The following WWOX variants were observed in gnomAD, a reference collection of about 807,000 sequenced individuals.
The protein encoded by WWOX is WW domain-containing oxidoreductase.
In WWOX, 69 loss-of-function variants were observed where a neutral mutation model predicts 46.2. That is an observed-to-expected ratio of 1.49 (90% CI 1.23 to 1.82). The LOEUF (loss-of-function observed/expected upper bound fraction) is 1.82, where lower values mean the gene tolerates loss of function less well. Among genes scored for constraint, WWOX ranks in the 40% most tolerant of loss-of-function variants. The pLI is 0.00. For missense variants in WWOX, 919 were observed against 542.6 expected (o/e 1.69, Z -6.89); for synonymous variants, 359 against 202.6 (o/e 1.77, Z -6.56).
intron 8 of WWOX, among the ~76,000 whole-genome samples, chr16:78,484,301 T>C (rs988335495): frequency 2.0e-5 from 3 of 152,186 alleles, no homozygotes; most frequent in Non-Finnish European, 4.4e-5. Context: ...AAATTGTAGA[T>C]TATTTTCATC....
chr16:78,887,638 CAGATA>C (rs1289910846), intron 8 of WWOX, among the ~76,000 whole-genome samples: 1 of 152,092 alleles, frequency 6.6e-6, no homozygotes, highest in Non-Finnish European at 1.5e-5. Context: ...ACAAAAGGGT[CAGATA>C]AGATATATGT....
At position 78,099,726 on chromosome 16, in the gene WWOX, C is replaced by T. The variant is rs1190228246; in HGVS notation, c.-53C>T. Reference sequence around the variant, plus strand: ...TTTGGAGCGGGAGTGAGTTCCTGAGCGAGTGGACCCGGCAGCGGGCGATAG... The same window carrying T: ...TTTGGAGCGGGAGTGAGTTCCTGAGTGAGTGGACCCGGCAGCGGGCGATAG... On this transcript the variant is annotated 5_prime_UTR_variant, in exon 1 of 9. Transcript: ENST00000566780. 9.3e-6 allele frequency: 14 copies of T among 1,505,422 alleles called. 1 individual carries two copies. The South Asian group carries it at 1.5e-4, about 17-fold the overall frequency. The allele number at this position is 1,505,422 out of a possible 1,614,324, so 93.3% of individuals were successfully genotyped here.
At position 78,955,863 on chromosome 16, in the gene WWOX, C is replaced by G. The variant is rs556394628; in HGVS notation, c.1057-255745C>G. 6.4e-4 allele frequency among the ~76,000 whole-genome samples: 98 copies of G among 151,974 alleles called. 1 individual carries two copies. The highest frequency in any genetic ancestry group is 1.6e-3 in the East Asian group (8 of 5,128). ...CTCACTATGTTTCCCAGGCTGGTCT[C>G]TAATTCCTGGCCTCAAGCGATCTCC... On this transcript the variant is annotated intron_variant, in intron 8 of 8. Transcript: ENST00000566780.
chr16:78,828,179 C>G (rs1006648478), intron 8 of WWOX, among the ~76,000 whole-genome samples: 1 of 152,098 alleles, frequency 6.6e-6, no homozygotes, highest in African/African-American at 2.4e-5. Context: ...ATCTGTACGC[C>G]CCACAGGAGT....
intron 8 of WWOX, among the ~76,000 whole-genome samples, chr16:79,030,789 G>C (rs536672144): frequency 1.3e-5 from 2 of 152,164 alleles, no homozygotes; most frequent in South Asian, 2.1e-4. Flanking sequence ...ATATTCTGAA[G>C]AATCCAGGAA....
intron 8 of WWOX, among the ~76,000 whole-genome samples, chr16:78,632,105 C>T (rs887915306): frequency 5.3e-5 from 8 of 152,116 alleles, no homozygotes; most frequent in African/African-American, 1.7e-4. Context: ...TCGCAAGGAG[C>T]TGCTTGATAG....
intron 8 of WWOX, among the ~76,000 whole-genome samples, chr16:78,618,672 AT>A (rs2046090503): frequency 6.6e-6 from 1 of 152,100 alleles, no homozygotes; most frequent in South Asian, 2.1e-4. Context: ...AACAGGATCC[AT>A]GTTTGATCCG....
intron 8 of WWOX, among the ~76,000 whole-genome samples, chr16:78,455,116 G>C (rs148190756): frequency 6.6e-6 from 1 of 152,186 alleles, no homozygotes; most frequent in Non-Finnish European, 1.5e-5. Flanking sequence ...GGGATGTGTG[G>C]CTTTTCTGTC....
At chr16:78,197,956 T>A (rs977426672) in intron 5 of WWOX, among the ~76,000 whole-genome samples, 14 of 152,170 alleles carry the variant, frequency 9.2e-5, no homozygotes, top group Admixed American at 9.2e-4. Context: ...ATTTTTTTTT[T>A]AAATTTCTTC....
chr16:78,394,523 T>C (rs1313219964), intron 6 of WWOX, among the ~76,000 whole-genome samples: 1 of 152,202 alleles, frequency 6.6e-6, no homozygotes, highest in African/African-American at 2.4e-5. Context: ...GCATTCAGTC[T>C]TTTTATATAA....
At chr16:78,915,714 C>T (rs189014720) in intron 8 of WWOX, among the ~76,000 whole-genome samples, 14 of 151,558 alleles carry the variant, frequency 9.2e-5, no homozygotes, top group African/African-American at 2.7e-4. Flanking sequence ...AAAAATTGCA[C>T]CAGTTCTCAT....
chr16:78,494,364 C>A (rs1045661359), intron 8 of WWOX, among the ~76,000 whole-genome samples: 1 of 152,112 alleles, frequency 6.6e-6, no homozygotes, highest in African/African-American at 2.4e-5. Context: ...GACACAGAGC[C>A]AAACCACACT....
At chr16:79,095,750 A>T (rs562352921) in intron 8 of WWOX, among the ~76,000 whole-genome samples, 97 of 152,114 alleles carry the variant, frequency 6.4e-4, no homozygotes, top group Admixed American at 8.5e-4. Flanking sequence ...GGAGCAAGGG[A>T]CAAACCTCAC....
intron 8 of WWOX, among the ~76,000 whole-genome samples, chr16:78,913,914 G>C (rs780841072): frequency 4.6e-5 from 7 of 151,942 alleles, no homozygotes; most frequent in Non-Finnish European, 7.4e-5. Flanking sequence ...TCCTGCCTTG[G>C]CCTCCCAAAG....
intron 8 of WWOX, among the ~76,000 whole-genome samples, chr16:78,636,599 C>G (rs903480261): frequency 6.6e-6 from 1 of 152,140 alleles, no homozygotes. Flanking sequence ...TTCTCTCACT[C>G]CATGGGAACT....
intron 5 of WWOX, among the ~76,000 whole-genome samples, chr16:78,262,067 C>G (rs1264565067): frequency 8.8e-6 from 1 of 113,132 alleles, no homozygotes; most frequent in African/African-American, 3.6e-5. Flanking sequence ...TCTGCTCCAG[C>G]CTGGGCAAAA....
At chr16:78,106,242 GAC>G (rs967238544) in intron 1 of WWOX, among the ~76,000 whole-genome samples, 1 of 152,160 alleles carries the variant, frequency 6.6e-6, no homozygotes, top group African/African-American at 2.4e-5. Context: ...AGAAGCTTGA[GAC>G]ACAGCTCTGC....
chr16:79,195,572 G>C lies in WWOX; in HGVS notation c.1057-16036G>C, dbSNP rs1326229191. Among the ~76,000 whole-genome samples, 4 of 152,156 alleles carry C rather than the reference G, an allele frequency of 2.6e-5. No homozygotes were observed. In the East Asian group the frequency reaches 7.7e-4, roughly 29 times the overall value. On this transcript the variant is annotated intron_variant, in intron 8 of 8. Transcript: ENST00000566780. ...TACAATATCCACTACAGTTTCTTGG[G>C]CTTGCTCTGAAGCCATGCCTCTCTA...
intron 8 of WWOX, among the ~76,000 whole-genome samples, chr16:78,982,571 T>C (rs978629782): frequency 6.6e-6 from 1 of 152,182 alleles, no homozygotes; most frequent in African/African-American, 2.4e-5. Context: ...ATCAATTACA[T>C]GGTTAGCTAG....
Sources: allele counts gnomAD v4.1 joint callset (sites outside exome capture counted in the v4.1 genomes callset), GRCh38; gene constraint gnomAD v4.1.1; transcripts MANE v1.5; gene names NCBI Gene and HGNC (gene_info 2026-07-23, HGNC 2026-07-21).